STX5: variants seen among roughly 807,000 people sequenced by gnomAD.
STX5 encodes syntaxin-5.
In STX5, 15 loss-of-function variants were observed where a neutral mutation model predicts 42.9. The observed-to-expected ratio is 0.35, with a 90% CI of 0.23 to 0.54. The LOEUF (loss-of-function observed/expected upper bound fraction) is 0.54, where lower values mean the gene tolerates loss of function less well. STX5 is among the 20% of genes least tolerant of loss of function. The probability of loss-of-function intolerance (pLI) is 0.91; values close to 1 mark genes in which losing one functional copy is unlikely to be tolerated. For synonymous variants in STX5, 184 were observed against 173.2 expected (o/e 1.06, Z -0.49); for missense variants, 430 against 455.0 (o/e 0.95, Z 0.50).
intron 10 of STX5, among the ~76,000 whole-genome samples, chr11:62,822,427 C>G (rs2084749998): frequency 6.6e-6 from 1 of 152,168 alleles, no homozygotes; most frequent in Non-Finnish European, 1.5e-5. Context: ...CTAAAGCCTA[C>G]CAATGGTCCC....
chr11:62,813,856 T>TC (rs1239168122), intron 10 of STX5, among the ~76,000 whole-genome samples: 3 of 152,150 alleles, frequency 2.0e-5, no homozygotes, highest in African/African-American at 4.8e-5. Context: ...TATCGCCAGC[T>TC]CCTCTTAGAG....
At chr11:62,823,995 G>C in intron 10 of STX5, 171 bp downstream of exon 10, 1 of 992,430 alleles carries the variant, frequency 1.0e-6, no homozygotes, top group South Asian at 1.6e-5. Flanking sequence ...CACATGAACA[G>C]GTGCTCAATA....
At chr11:62,808,527 T>A (rs2084579201) in intron 10 of STX5, among the ~76,000 whole-genome samples, 1 of 151,618 alleles carries the variant, frequency 6.6e-6, no homozygotes, top group East Asian at 1.9e-4. Context: ...GGCAGGAGGA[T>A]CACTTGAGCC....
At chr11:62,830,788 T>C (rs1289185193) in intron 2 of STX5, among the ~76,000 whole-genome samples, 2 of 152,194 alleles carry the variant, frequency 1.3e-5, no homozygotes. Flanking sequence ...CCCTCCAGAA[T>C]AGCAATCCTG....
rs1361193779 is a variant in STX5, at chr11:62,824,562, C to T, written c.683G>A (p.Gly228Asp). The T allele has an allele frequency of 2.5e-6, 4 of 1,614,064 alleles. No homozygotes were observed. The South Asian group carries it at 3.3e-5, about 13-fold the overall frequency. ...ALPLAPNHLG[G>D]GAVVLGAESH... ...CTCTGCCCCCAGAACCACAGCACCA[C>T]CGCCTGGGGGAGAAAACAGGATGTG... Residue 228 changes from glycine to aspartate, a missense_variant, in exon 9 of 11, where the codon GGT (glycine) becomes GAT (aspartate). Gly to Asp is a moderately conservative substitution (Grantham distance 94). Transcript: ENST00000294179.
chr11:62,815,547 TA>T lies in STX5; in HGVS notation c.909-7920del, dbSNP rs1280221860. Among the ~76,000 whole-genome samples, 1,192 of 151,254 alleles carry T rather than the reference TA, an allele frequency of 7.9e-3. 15 individuals are homozygous for T. Among genetic ancestry groups the T allele is most frequent in the African/African-American group, 0.028 (1,130 of 40,990 alleles). On this transcript the variant is annotated intron_variant, in intron 10 of 10. Transcript: ENST00000294179. ...GATAACGGCGTGGTTTTTTTTTTTT[TA>T]TTTTTTGAGACAGAGTCTCGCTCTG...
chr11:62,830,065 A>AAT (rs2084838916), intron 2 of STX5, among the ~76,000 whole-genome samples: 1 of 99,604 alleles, frequency 1.0e-5, no homozygotes, highest in African/African-American at 7.5e-5. Context: ...ATTCCTTCTC[A>AAT]AAAAAAAAAA....
At chr11:62,813,043 C>T (rs924236317) in intron 10 of STX5, among the ~76,000 whole-genome samples, 2 of 142,124 alleles carry the variant, frequency 1.4e-5, no homozygotes, top group South Asian at 2.2e-4. Flanking sequence ...ACCCAGGAGG[C>T]GGAGGTTGCC....
chr11:62,810,118 A>AG (rs1374257850), intron 10 of STX5, among the ~76,000 whole-genome samples: 12 of 151,376 alleles, frequency 7.9e-5, no homozygotes, highest in South Asian at 2.1e-4. Context: ...AAAAAAAAAA[A>AG]AAAGAAAGAA....
At position 62,822,032 on chromosome 11, in the gene STX5, AAAAT is replaced by A. The variant is rs771634507; in HGVS notation, c.908+2130_908+2133del. Among the ~76,000 whole-genome samples the A allele has an allele frequency of 5.9e-5, 9 of 151,770 alleles. No homozygotes were observed. The East Asian group carries it at 7.8e-4, about 13-fold the overall frequency. ...AGAGTGAGACTCCATCTCAAAAATAAAAATAAATAAATAAATACATGCATAAATA... is the reference window on the plus strand; with the variant it reads ...AGAGTGAGACTCCATCTCAAAAATAAAAATAAATAAATACATGCATAAATA... On this transcript the variant is annotated intron_variant, in intron 10 of 10. Coordinates refer to ENST00000294179, the MANE Select transcript of STX5 (RefSeq NM_003164.5).
intron 8 of STX5, 111 bp downstream of exon 8, chr11:62,824,925 A>C (rs2084777896): frequency 9.1e-7 from 1 of 1,096,974 alleles, no homozygotes; most frequent in Non-Finnish European, 1.3e-6. Context: ...AAAGCCTAGA[A>C]AATTCCTTGA....
intron 10 of STX5, among the ~76,000 whole-genome samples, chr11:62,817,033 C>T (rs140590176): frequency 0.024 from 3,713 of 151,860 alleles, 139 homozygotes; most frequent in African/African-American, 0.085. Flanking sequence ...GGCGGGATCT[C>T]GGCTCACTGC....
chr11:62,829,427 A>AAAATAAATAAAT lies in STX5; in HGVS notation c.225+1580_225+1591dup, dbSNP rs56250621. Among the ~76,000 whole-genome samples, 2,122 of 148,864 alleles carry AAAATAAATAAAT rather than the reference A, an allele frequency of 0.014. 103 individuals are homozygous for AAAATAAATAAAT. The East Asian group carries it at 0.18, about 12-fold the overall frequency. On this transcript the variant is annotated intron_variant, in intron 2 of 10. Coordinates refer to ENST00000294179, the MANE Select transcript of STX5 (RefSeq NM_003164.5). The stretch of plus-strand genomic sequence containing the variant: ...CAACAAGAGCGAAATTCCCATCTCA[A>AAAATAAATAAAT]AAATAAATAAATAAATAAATAAATA...
intron 10 of STX5, chr11:62,815,933 T>G (rs553587059): frequency 6.6e-6 from 1 of 152,140 alleles, no homozygotes; most frequent in African/African-American, 2.4e-5. Flanking sequence ...TCTTGGGGCT[T>G]GGTATACATA....
At chr11:62,811,542 G>C (rs2084616745) in intron 10 of STX5, among the ~76,000 whole-genome samples, 1 of 152,106 alleles carries the variant, frequency 6.6e-6, no homozygotes, top group Non-Finnish European at 1.5e-5. Flanking sequence ...ACATGGAACA[G>C]CTTCTCCTTT....
At chr11:62,811,444 G>A (rs755417011) in intron 10 of STX5, among the ~76,000 whole-genome samples, 6 of 152,210 alleles carry the variant, frequency 3.9e-5, no homozygotes, top group Admixed American at 1.3e-4. Flanking sequence ...ACCTGGCCTT[G>A]CCTCTCACCA....
chr11:62,823,720 A>AT (rs1163617202), intron 10 of STX5, among the ~76,000 whole-genome samples: 3 of 151,626 alleles, frequency 2.0e-5, no homozygotes, highest in African/African-American at 4.8e-5. Context: ...TAGTTTTTGT[A>AT]TTTTTTTGTA....
intron 1 of STX5, 51 bp from the exon 2 acceptor site, chr11:62,831,313 T>TC: frequency 7.7e-7 from 1 of 1,293,708 alleles, no homozygotes; most frequent in East Asian, 2.5e-5. Flanking sequence ...TTACCCAAAC[T>TC]CCCCCGCCCC....
At chr11:62,823,624 C>T (rs2084763165) in intron 10 of STX5, among the ~76,000 whole-genome samples, 1 of 152,336 alleles carries the variant, frequency 6.6e-6, no homozygotes, top group South Asian at 2.1e-4. Context: ...TGGCTCACTG[C>T]AACCTCTGCC....
Sources: allele counts gnomAD v4.1 joint callset (sites outside exome capture counted in the v4.1 genomes callset), GRCh38; gene constraint gnomAD v4.1.1; transcripts MANE v1.5; gene names NCBI Gene and HGNC (gene_info 2026-07-23, HGNC 2026-07-21).